The following PREP variants were observed in gnomAD, a reference collection of about 807,000 sequenced individuals.
The protein encoded by PREP is prolyl endopeptidase.
PREP carries 29 observed loss-of-function variants against 87.6 expected under a neutral mutation model. That is an observed-to-expected ratio of 0.33 (90% CI 0.25 to 0.45). The LOEUF is 0.45. PREP is among the 20% of genes least tolerant of loss of function. The probability of loss-of-function intolerance (pLI) is 1.00; values close to 1 mark genes in which losing one functional copy is unlikely to be tolerated. For missense variants in PREP, 695 were observed against 886.5 expected, an observed-to-expected ratio of 0.78 and a Z score of 2.74; for synonymous variants, 337 against 328.6, an observed-to-expected ratio of 1.03 and a Z score of -0.28.
chr6:105,394,076 T>C (rs967925659), intron 2 of PREP, among the ~76,000 whole-genome samples: 2 of 152,182 alleles, frequency 1.3e-5, no homozygotes, highest in African/African-American at 2.4e-5. Flanking sequence ...CCAACTTTTC[T>C]TGTAAATATA....
At position 105,329,107 on chromosome 6, in the gene PREP, G is replaced by A. The variant is rs1233756300; in HGVS notation, c.1016-81C>T. 2.3e-6 allele frequency: 3 copies of A among 1,296,630 alleles called. No homozygotes were observed. The East Asian group carries it at 7.3e-5, about 31-fold the overall frequency. 80.3% of individuals were successfully genotyped at this position (1,296,630 alleles called of 1,614,324 possible). Reference sequence around the variant, plus strand: ...CATTTAATTGAGCAACAGTTCCAGAGCTACACATAGGGCTATGCAGCAATG... The same window carrying A: ...CATTTAATTGAGCAACAGTTCCAGAACTACACATAGGGCTATGCAGCAATG... On this transcript the variant is annotated intron_variant, in intron 8 of 14. Transcript: ENST00000652536.
At position 105,274,108 on chromosome 6, in the gene PREP, CTGTT is replaced by C. The variant is rs1769888672; in HGVS notation, c.*4032_*4035del. Reference sequence around the variant, plus strand: ...TTAATAGACTCGTGGGTATCTTAGTCTGTTTAAGCTGCTATAAGAAAATACCATA... The same window carrying C: ...TTAATAGACTCGTGGGTATCTTAGTCTAAGCTGCTATAAGAAAATACCATA... On this transcript the variant is annotated 3_prime_UTR_variant, in exon 15 of 15. Transcript: ENST00000652536. Among the ~76,000 whole-genome samples the C allele has an allele frequency of 6.6e-6, 1 of 152,178 alleles. No individual in the cohort carries two copies. Among genetic ancestry groups the C allele is most frequent in the Non-Finnish European group, 1.5e-5 (1 of 68,036 alleles).
chr6:105,396,204 TGAAG>T (rs1284878030), intron 2 of PREP, among the ~76,000 whole-genome samples: 1 of 151,390 alleles, frequency 6.6e-6, no homozygotes, highest in Non-Finnish European at 1.5e-5. Flanking sequence ...TTGTCTTTCT[TGAAG>T]GGAGTTAGAG....
intron 10 of PREP, among the ~76,000 whole-genome samples, chr6:105,315,820 C>T (rs917492583): frequency 1.8e-4 from 28 of 152,216 alleles, no homozygotes; most frequent in South Asian, 2.1e-4. Flanking sequence ...TGGCTTCGTT[C>T]CTTAAACTTC....
At chr6:105,334,947 C>T (rs1359755467) in intron 7 of PREP, among the ~76,000 whole-genome samples, 3 of 152,144 alleles carry the variant, frequency 2.0e-5, no homozygotes, top group African/African-American at 7.2e-5. Flanking sequence ...TTTGTCTTTT[C>T]ATTCACTGTT....
intron 7 of PREP, among the ~76,000 whole-genome samples, chr6:105,340,417 G>A (rs944741285): frequency 3.9e-5 from 6 of 152,058 alleles, no homozygotes; most frequent in Admixed American, 1.3e-4. Context: ...AGGAACAACC[G>A]GTACCAGACA....
chr6:105,287,252 T>C (rs1183351989), intron 11 of PREP, among the ~76,000 whole-genome samples: 1 of 152,126 alleles, frequency 6.6e-6, no homozygotes, highest in Non-Finnish European at 1.5e-5. Context: ...TCTCGTTGCC[T>C]GGGAAACTTT....
At chr6:105,384,872 G>A (rs1226088777) in intron 2 of PREP, among the ~76,000 whole-genome samples, 1 of 152,126 alleles carries the variant, frequency 6.6e-6, no homozygotes, top group Non-Finnish European at 1.5e-5. Context: ...AAAAAGACAG[G>A]TTCCCAAAAA....
At chr6:105,281,927 A>T (rs1231810291) in intron 13 of PREP, 25 bp from the exon 14 acceptor site, 5 of 1,609,382 alleles carry the variant, frequency 3.1e-6, no homozygotes, top group Non-Finnish European at 4.2e-6. Flanking sequence ...TAGAAAGAAA[A>T]GGGAGGCAGT....
At chr6:105,383,022 G>A (rs1772888000) in intron 2 of PREP, among the ~76,000 whole-genome samples, 1 of 152,136 alleles carries the variant, frequency 6.6e-6, no homozygotes, top group Non-Finnish European at 1.5e-5. Flanking sequence ...TTTGGAATTT[G>A]GAAATGACTC....
intron 2 of PREP, among the ~76,000 whole-genome samples, chr6:105,387,165 T>A (rs1490969349): frequency 6.6e-6 from 1 of 151,676 alleles, no homozygotes; most frequent in African/African-American, 2.4e-5. Flanking sequence ...GAGGTTGCAG[T>A]GGAGATCTGC....
chr6:105,401,320 A>G (rs1265657981), intron 1 of PREP, among the ~76,000 whole-genome samples: 3 of 152,222 alleles, frequency 2.0e-5, no homozygotes, highest in Non-Finnish European at 4.4e-5. Context: ...CTGATCCTCA[A>G]GAACCAGAAC....
chr6:105,402,922 G>T lies in PREP; in HGVS notation c.-31C>A. 7.3e-7 allele frequency: 1 copy of T among 1,363,512 alleles called. No individual in the cohort carries two copies. Among genetic ancestry groups the T allele is most frequent in the Non-Finnish European group, 9.9e-7 (1 of 1,007,780 alleles). The allele number at this position is 1,363,512 out of a possible 1,614,324, so 84.5% of individuals were successfully genotyped here. A position where few individuals can be genotyped will look rare whatever the true frequency, so the allele number is the denominator to read the frequency against. On this transcript the variant is annotated 5_prime_UTR_variant, in exon 1 of 15. Coordinates refer to ENST00000652536, the MANE Select transcript of PREP (RefSeq NM_002726.5). ...GGGACAGGCAGGGGGCAGCGTGGAG[G>T]GGCGCGGGCTCCGGGAGCGGACCTG...
intron 7 of PREP, among the ~76,000 whole-genome samples, chr6:105,343,946 T>C (rs1396967276): frequency 6.6e-6 from 1 of 152,182 alleles, no homozygotes; most frequent in African/African-American, 2.4e-5. Flanking sequence ...GTTCAACCAT[T>C]GTGGAAGACA....
At chr6:105,374,954 G>C (rs975422225) in intron 4 of PREP, among the ~76,000 whole-genome samples, 1 of 151,906 alleles carries the variant, frequency 6.6e-6, no homozygotes, top group Non-Finnish European at 1.5e-5. Flanking sequence ...TTAAGACCCT[G>C]TCCCTCTGGA....
Position 105,329,036 on chromosome 6 carries a change from T to C in PREP, c.1016-10A>G. 2 of 1,609,250 alleles carry C rather than the reference T, an allele frequency of 1.2e-6. No individual in the cohort carries two copies. The highest frequency in any genetic ancestry group is 8.5e-7 in the Non-Finnish European group (1 of 1,175,962). ...ACACAAGCTATCCATTCTGAAAGGA[T>C]AAGAAGAGAAAAAACCTAATGCAAT... On this transcript the variant is annotated splice_polypyrimidine_tract_variant and intron_variant, in intron 8 of 14. Transcript: ENST00000652536.
intron 7 of PREP, among the ~76,000 whole-genome samples, chr6:105,344,023 A>G (rs1771733031): frequency 6.6e-6 from 1 of 152,244 alleles, no homozygotes; most frequent in African/African-American, 2.4e-5. Flanking sequence ...ATTACTGGGT[A>G]TATACCCAAA....
intron 10 of PREP, among the ~76,000 whole-genome samples, chr6:105,289,785 A>G (rs909598231): frequency 6.6e-6 from 1 of 152,218 alleles, no homozygotes; most frequent in Non-Finnish European, 1.5e-5. Flanking sequence ...AACCCCTGGA[A>G]AGTGCTCCAG....
chr6:105,396,445 C>G (rs553034967), intron 2 of PREP, among the ~76,000 whole-genome samples: 1 of 152,310 alleles, frequency 6.6e-6, no homozygotes, highest in East Asian at 1.9e-4. Context: ...TCCCCTGCCT[C>G]TACTTTCTCT....
Sources: gnomAD v4.1 joint callset for allele counts (sites outside exome capture counted in the v4.1 genomes callset) on GRCh38, gnomAD v4.1.1 for gene constraint, MANE v1.5 for transcripts, NCBI Gene and HGNC (gene_info 2026-07-23, HGNC 2026-07-21) for gene names.